MS4A1: variants seen among roughly 807,000 people sequenced by gnomAD.
The protein encoded by MS4A1 is B-lymphocyte antigen CD20.
In MS4A1, 16 loss-of-function variants were observed where a neutral mutation model predicts 26.5. The ratio of observed to expected loss-of-function variants is 0.60; its 90% confidence interval spans 0.41 to 0.92. The LOEUF (loss-of-function observed/expected upper bound fraction) is 0.92, where lower values mean the gene tolerates loss of function less well. Among genes scored for constraint, MS4A1 ranks in the 40% least tolerant of loss-of-function variants. MS4A1 has a pLI of 0.00. For missense variants in MS4A1, 350 were observed against 353.0 expected (o/e 0.99, Z 0.07); for synonymous variants, 128 against 117.6 (o/e 1.09, Z -0.57).
chr11:60,467,125 A>G, intron 7 of MS4A1, 65 bp downstream of exon 7: 1 of 1,304,668 alleles, frequency 7.7e-7, no homozygotes, highest in Non-Finnish European at 1.1e-6. Flanking sequence ...AGGATCATTT[A>G]TGGAGAATGT....
At chr11:60,465,773 A>C in intron 5 of MS4A1, 148 bp from the exon 6 acceptor site, 2 of 665,642 alleles carry the variant, frequency 3.0e-6, no homozygotes, top group Non-Finnish European at 5.4e-6. Context: ...TTATAGTGAC[A>C]AAGAGGCTAA....
intron 7 of MS4A1, 92 bp from the exon 8 acceptor site, chr11:60,468,158 A>G: frequency 8.4e-7 from 1 of 1,193,942 alleles, no homozygotes; most frequent in African/African-American, 1.5e-5. Flanking sequence ...TAGCATAAAA[A>G]CCAGGAGGTA....
rs996804012 is a variant in MS4A1, at chr11:60,469,092, T to C, written c.*624T>C. The C allele has an allele frequency of 6.6e-6, 1 of 152,272 alleles. No individual in the cohort carries two copies. The highest frequency in any genetic ancestry group is 1.5e-5 in the Non-Finnish European group (1 of 68,088). 9.4% of individuals were successfully genotyped at this position (152,272 alleles called of 1,614,324 possible). A position where few individuals can be genotyped will look rare whatever the true frequency, so the allele number is the denominator to read the frequency against. ...AAACAGCATAGCTTATACATGGACA[T>C]GTCTCTGCCTTAACTTTTCCTAACT... On this transcript the variant is annotated 3_prime_UTR_variant, in exon 8 of 8. Transcript: ENST00000345732.
chr11:60,462,885 G>T (rs2086260198), intron 3 of MS4A1, 117 bp from the exon 4 acceptor site: 1 of 1,490,472 alleles, frequency 6.7e-7, no homozygotes, highest in Non-Finnish European at 9.2e-7. Context: ...CACCTCCACT[G>T]CTTCCTTTAG....
In MS4A1 at chr11:60,462,552, A is replaced by G. The variant is rs1186395780; in HGVS notation, c.159+19A>G. The stretch of plus-strand genomic sequence containing the variant: ...TTTGGGGGTAAGTCAGTTGCCTTCC[A>G]TCCCATGTCGTAGGGATTCTCTGGC... On this transcript the variant is annotated intron_variant, in intron 3 of 7. Coordinates refer to ENST00000345732, the MANE Select transcript of MS4A1 (RefSeq NM_152866.3). 5 of 1,614,004 alleles carry G rather than the reference A, an allele frequency of 3.1e-6. No homozygotes were observed. Among genetic ancestry groups the G allele is most frequent in the Non-Finnish European group, 3.4e-6 (4 of 1,179,998 alleles).
rs745367819 is a variant in MS4A1 at position 60,465,905 on chromosome 11, T to G, written c.337-16T>G. On this transcript the variant is annotated splice_polypyrimidine_tract_variant and intron_variant, in intron 5 of 7. Transcript: ENST00000345732. ...GGAAATCAAACCCAATTAATAAATC[T>G]GTGTCTCCATTTCAGGTCAAAGGAA... 1 of 1,585,342 alleles carries G rather than the reference T, an allele frequency of 6.3e-7. No homozygotes were observed. Among genetic ancestry groups the G allele is most frequent in the East Asian group, 2.2e-5 (1 of 44,684 alleles).
At position 60,468,885 on chromosome 11, in the gene MS4A1, G is replaced by A. The variant is rs200193401; in HGVS notation, c.*417G>A. ...TATCTTTTTTTTATTCCACATCTACGTTTTTGGTGGAGTCCCTTTTGCATC... is the reference window on the plus strand; with the variant it reads ...TATCTTTTTTTTATTCCACATCTACATTTTTGGTGGAGTCCCTTTTGCATC... On this transcript the variant is annotated 3_prime_UTR_variant, in exon 8 of 8. Coordinates refer to ENST00000345732, the MANE Select transcript of MS4A1 (RefSeq NM_152866.3). The A allele has an allele frequency of 2.2e-5, 4 of 182,808 alleles. No homozygotes were observed. The highest frequency in any genetic ancestry group is 1.1e-4 in the South Asian group (1 of 8,830). 11.3% of individuals were successfully genotyped at this position (182,808 alleles called of 1,614,324 possible). A position where few individuals can be genotyped will look rare whatever the true frequency, so the allele number is the denominator to read the frequency against.
chr11:60,462,940 G>A, intron 3 of MS4A1, 62 bp from the exon 4 acceptor site: 1 of 1,607,476 alleles, frequency 6.2e-7, no homozygotes, highest in Non-Finnish European at 8.5e-7. Context: ...TTCCAACCTT[G>A]TCTTTGCCTG....
Position 60,463,077 on chromosome 11 carries a change from C to G in MS4A1, c.235C>G (p.Pro79Ala). The change falls in exon 4 of 8, where the codon CCC becomes GCC. Residue 79 changes from proline to alanine, a missense_variant. By Grantham distance (27) the Pro-to-Ala change is conservative. Coordinates refer to ENST00000345732, the MANE Select transcript of MS4A1 (RefSeq NM_152866.3). ...GATGATCCCAGCAGGGATCTATGCA[C>G]CCATCTGTGTGACTGTGTGGTACCC... ...LLMIPAGIYAPICVTVWYPLW... is the reference protein window; with the variant it reads ...LLMIPAGIYAAICVTVWYPLW... 1 of 1,614,128 alleles carries G rather than the reference C, an allele frequency of 6.2e-7. No homozygotes were observed. Among genetic ancestry groups the G allele is most frequent in the South Asian group, 1.1e-5 (1 of 91,078 alleles).
Position 60,463,036 on chromosome 11 carries a change from C to T in MS4A1, c.194C>T (p.Ala65Val), listed in dbSNP as rs146626926. 19 of 1,614,000 alleles carry T rather than the reference C, an allele frequency of 1.2e-5. No individual in the cohort carries two copies. The highest frequency in any genetic ancestry group is 2.2e-5 in the East Asian group (1 of 44,894). Residue 65 changes from alanine to valine, a missense_variant, in exon 4 of 8, where the codon GCC becomes GTC. Coordinates refer to ENST00000345732, the MANE Select transcript of MS4A1 (RefSeq NM_152866.3). The stretch of plus-strand genomic sequence containing the variant: ...ATTATGAATGGGCTCTTCCACATTG[C>T]CCTGGGGGGTCTTCTGATGATCCCA... ...VQIMNGLFHI[A>V]LGGLLMIPAG...
chr11:60,468,340 C>G lies in MS4A1; in HGVS notation c.766C>G (p.Pro256Ala). The G allele has an allele frequency of 6.2e-7, 1 of 1,613,906 alleles. No individual in the cohort carries two copies. Among genetic ancestry groups the G allele is most frequent in the Non-Finnish European group, 8.5e-7 (1 of 1,179,896 alleles). The change falls in exon 8 of 8, where the codon CCA (proline) becomes GCA (alanine). Residue 256 changes from proline to alanine, a missense_variant. Physicochemically the swap from Pro to Ala is conservative, Grantham distance 27. Transcript: ENST00000345732. Reference sequence around the variant, plus strand: ...TGGGCTAACTGAAACATCTTCCCAACCAAAGAATGAAGAAGACATTGAAAT... The same window carrying G: ...TGGGCTAACTGAAACATCTTCCCAAGCAAAGAATGAAGAAGACATTGAAAT... ...VVGLTETSSQ[P>A]KNEEDIEIIP...
intron 1 of MS4A1, among the ~76,000 whole-genome samples, chr11:60,460,682 G>A (rs888482245): frequency 1.3e-5 from 2 of 151,930 alleles, no homozygotes; most frequent in Non-Finnish European, 2.9e-5. Context: ...AGTGGAGTCC[G>A]CATAAGTGGT....
At position 60,466,052 on chromosome 11, in the gene MS4A1, A is replaced by C; in HGVS notation, c.468A>C (p.Arg156Ser). ...AAATGGAGAGTCTGAATTTTATTAG[A>C]GCTCACACACCATATATTAACATAT... ...FLKMESLNFI[R>S]AHTPYINIYN... Residue 156 changes from arginine (R) to serine (S), a missense_variant, in exon 6 of 8, where the codon AGA becomes AGC. Arg to Ser is a moderately radical substitution (Grantham distance 110). Coordinates refer to ENST00000345732, the MANE Select transcript of MS4A1 (RefSeq NM_152866.3). 3 of 1,614,004 alleles carry C rather than the reference A, an allele frequency of 1.9e-6. No homozygotes were observed. The highest frequency in any genetic ancestry group is 2.5e-6 in the Non-Finnish European group (3 of 1,179,878).
In MS4A1 at chr11:60,464,400, G is replaced by A. The variant is rs374309752; in HGVS notation, c.336+56G>A. ...TGTCAGAGAAGTACCTATTTTTTTC[G>A]GTTAAAAACTGAGACCCTTAAAAAG... On this transcript the variant is annotated intron_variant, in intron 5 of 7. Coordinates refer to ENST00000345732, the MANE Select transcript of MS4A1 (RefSeq NM_152866.3). 31 of 1,542,622 alleles carry A rather than the reference G, an allele frequency of 2.0e-5. No individual in the cohort carries two copies. The East Asian group carries it at 2.7e-4, about 13-fold the overall frequency.
intron 4 of MS4A1, chr11:60,464,044 C>A (rs2086270448): frequency 1.8e-6 from 1 of 562,392 alleles, no homozygotes. Context: ...TATTCCTAGT[C>A]ACAGATCCCC....
Position 60,465,909 on chromosome 11 carries a change from T to C in MS4A1, c.337-12T>C, listed in dbSNP as rs1212521331. The C allele has an allele frequency of 6.3e-7, 1 of 1,593,104 alleles. No homozygotes were observed. On this transcript the variant is annotated splice_polypyrimidine_tract_variant and intron_variant, in intron 5 of 7. Transcript: ENST00000345732. ...ATCAAACCCAATTAATAAATCTGTG[T>C]CTCCATTTCAGGTCAAAGGAAAAAT...
intron 5 of MS4A1, chr11:60,465,624 C>G: frequency 2.8e-6 from 1 of 362,452 alleles, no homozygotes; most frequent in Non-Finnish European, 5.1e-6. Flanking sequence ...AGGATGGTGG[C>G]AGTGGCAGTG....
intron 1 of MS4A1, among the ~76,000 whole-genome samples, 174 bp downstream of exon 1, chr11:60,456,119 A>G (rs1040357806): frequency 6.6e-6 from 1 of 151,812 alleles, no homozygotes; most frequent in African/African-American, 2.4e-5. Context: ...CTGCCCACTC[A>G]CTCCTCTAAT....
At chr11:60,461,031 A>T (rs2086243263) in intron 1 of MS4A1, 41 bp from the exon 2 acceptor site, 1 of 151,862 alleles carries the variant, frequency 6.6e-6, no homozygotes, top group South Asian at 2.1e-4. Flanking sequence ...TTTCTTCAAT[A>T]ATATTTATTA....
Sources: gnomAD v4.1 joint callset for allele counts (sites outside exome capture counted in the v4.1 genomes callset) on GRCh38, gnomAD v4.1.1 for gene constraint, MANE v1.5 for transcripts, NCBI Gene and HGNC (gene_info 2026-07-23, HGNC 2026-07-21) for gene names.